URM1: variants seen among roughly 807,000 people sequenced by gnomAD.
URM1 encodes ubiquitin-related modifier 1.
In URM1, 11 loss-of-function variants were observed where a neutral mutation model predicts 17.7. The observed-to-expected ratio is 0.62, with a 90% CI of 0.39 to 1.03. The LOEUF (loss-of-function observed/expected upper bound fraction) is 1.03, where lower values mean the gene tolerates loss of function less well. Among genes scored for constraint, URM1 ranks in the 50% least tolerant of loss-of-function variants. URM1 has a pLI of 0.00. For synonymous variants in URM1, 48 were observed against 50.6 expected (o/e 0.95, Z 0.22); for missense variants, 128 against 129.2 (o/e 0.99, Z 0.04).
Position 128,389,331 on chromosome 9 carries a change from C to A in URM1, c.237+22C>A, listed in dbSNP as rs781624362. The A allele has an allele frequency of 2.5e-6, 4 of 1,613,882 alleles. No individual in the cohort carries two copies. The South Asian group carries it at 3.3e-5, about 13-fold the overall frequency. ...ACTGGTCAGTACCTTGGGGGACATC[C>A]CTCCCCCAGCCCCTGCCCTTGCTGC... On this transcript the variant is annotated intron_variant, in intron 4 of 4. Transcript: ENST00000372853.
chr9:128,388,841 G>C (rs1302845801), intron 3 of URM1: 1 of 998,452 alleles, frequency 1.0e-6, no homozygotes, highest in Admixed American at 5.8e-5. Flanking sequence ...GGGCTAACGA[G>C]AATAAGATTA....
At position 128,390,600 on chromosome 9, in the gene URM1, AG is replaced by A. The variant is rs753276978; in HGVS notation, c.*868del. Reference sequence around the variant, plus strand: ...TTTTCTCTCCCTTCCCACCTCCTGCAGGAAGCAGGACGGGGCAGGCAGCACC... The same window carrying A: ...TTTTCTCTCCCTTCCCACCTCCTGCAGAAGCAGGACGGGGCAGGCAGCACC... On this transcript the variant is annotated 3_prime_UTR_variant, in exon 5 of 5. Transcript: ENST00000372853. 2 of 152,466 alleles carry A rather than the reference AG, an allele frequency of 1.3e-5. No individual in the cohort carries two copies. The highest frequency in any genetic ancestry group is 2.9e-5 in the Non-Finnish European group (2 of 68,088). 9.4% of individuals were successfully genotyped at this position (152,466 alleles called of 1,614,324 possible).
intron 2 of URM1, among the ~76,000 whole-genome samples, chr9:128,382,865 G>A (rs1448816197): frequency 6.6e-6 from 1 of 152,202 alleles, no homozygotes; most frequent in Non-Finnish European, 1.5e-5. Flanking sequence ...GCACCCACCA[G>A]CTTAGGGTAT....
intron 2 of URM1, among the ~76,000 whole-genome samples, chr9:128,385,994 G>A (rs373125667): frequency 1.3e-5 from 2 of 152,330 alleles, no homozygotes; most frequent in African/African-American, 4.8e-5. Context: ...CCATGCTGGT[G>A]CCATCGTTTG....
At chr9:128,374,116 C>T (rs1285392236) in intron 1 of URM1, among the ~76,000 whole-genome samples, 1 of 152,126 alleles carries the variant, frequency 6.6e-6, no homozygotes, top group African/African-American at 2.4e-5. Flanking sequence ...TGGCCTTGGT[C>T]TCTCCTGGGC....
In URM1 at chr9:128,389,860, T is replaced by C; in HGVS notation, c.*126T>C. On this transcript the variant is annotated 3_prime_UTR_variant, in exon 5 of 5. Coordinates refer to ENST00000372853, the MANE Select transcript of URM1 (RefSeq NM_030914.4). ...TTCTTCCCTGCTCTGTCCCCTAAGCTCCCTCCAGGCAGGGAAAAGAGGCCA... is the reference window on the plus strand; with the variant it reads ...TTCTTCCCTGCTCTGTCCCCTAAGCCCCCTCCAGGCAGGGAAAAGAGGCCA... 1 of 1,326,320 alleles carries C rather than the reference T, an allele frequency of 7.5e-7. No individual in the cohort carries two copies. The highest frequency in any genetic ancestry group is 2.5e-5 in the East Asian group (1 of 39,532). 82.2% of individuals were successfully genotyped at this position (1,326,320 alleles called of 1,614,324 possible).
At position 128,391,708 on chromosome 9, in the gene URM1, G is replaced by C. The variant is rs1833318000; in HGVS notation, c.*1974G>C. The C allele has an allele frequency of 6.6e-6, 1 of 152,226 alleles. No individual in the cohort carries two copies. The highest frequency in any genetic ancestry group is 1.5e-5 in the Non-Finnish European group (1 of 68,058). 9.4% of individuals were successfully genotyped at this position (152,226 alleles called of 1,614,324 possible). A position where few individuals can be genotyped will look rare whatever the true frequency, so the allele number is the denominator to read the frequency against. On this transcript the variant is annotated 3_prime_UTR_variant, in exon 5 of 5. Transcript: ENST00000372853. ...TAGGATCCGTTTCCCTGGCTGCAGA[G>C]AGTGGGAGGTGTGATGTGGAATATC...
At chr9:128,372,753 AAG>A (rs1833029231) in intron 1 of URM1, among the ~76,000 whole-genome samples, 1 of 152,138 alleles carries the variant, frequency 6.6e-6, no homozygotes, top group Admixed American at 6.6e-5. Flanking sequence ...CAGAGCTGGA[AAG>A]AGAGAAGCCA....
rs149548051 is a variant in URM1, at chr9:128,371,393, T to C, written c.13T>C (p.Leu5=). ...CGGCTTCCTCAACATGGCTGCGCCC[T>C]TGTCAGTGGAGGTGGAGTTCGGGTG... MAAP[L]SVEVEFGGGA... The change falls in exon 1 of 5, where the codon TTG becomes CTG. Residue 5 remains leucine, a synonymous_variant. Transcript: ENST00000372853. 1.8e-5 allele frequency: 29 copies of C among 1,612,752 alleles called. No individual in the cohort carries two copies. In the African/African-American group the frequency reaches 3.7e-4, roughly 21 times the overall value.
At position 128,389,987 on chromosome 9, in the gene URM1, C is replaced by A; in HGVS notation, c.*253C>A. On this transcript the variant is annotated 3_prime_UTR_variant, in exon 5 of 5. Coordinates refer to ENST00000372853, the MANE Select transcript of URM1 (RefSeq NM_030914.4). ...CCAGCAGCTGTGGTGGGGGAGGGTT[C>A]CCCTCCAGTTTGTCAAGAGTTGAAG... 1 of 558,070 alleles carries A rather than the reference C, an allele frequency of 1.8e-6. No homozygotes were observed. Among genetic ancestry groups the A allele is most frequent in the Non-Finnish European group, 3.1e-6 (1 of 318,740 alleles). The allele number at this position is 558,070 out of a possible 1,614,324, so 34.6% of individuals were successfully genotyped here.
intron 1 of URM1, among the ~76,000 whole-genome samples, chr9:128,372,852 C>T (rs1470062323): frequency 1.3e-5 from 2 of 151,722 alleles, no homozygotes; most frequent in African/African-American, 4.8e-5. Context: ...GGCAGGAGGA[C>T]TGCTTGAGCC....
At chr9:128,383,838 A>G (rs1341988380) in intron 2 of URM1, among the ~76,000 whole-genome samples, 1 of 152,112 alleles carries the variant, frequency 6.6e-6, no homozygotes, top group Non-Finnish European at 1.5e-5. Flanking sequence ...AGTGTCCCCC[A>G]GAATAGGACA....
At chr9:128,377,513 T>C (rs1459540428) in intron 1 of URM1, among the ~76,000 whole-genome samples, 1 of 151,956 alleles carries the variant, frequency 6.6e-6, no homozygotes, top group Non-Finnish European at 1.5e-5. Context: ...TGTCTAAAAA[T>C]ACAAAACTTA....
intron 2 of URM1, among the ~76,000 whole-genome samples, chr9:128,382,302 C>T (rs528255479): frequency 1.3e-5 from 2 of 152,210 alleles, no homozygotes; most frequent in East Asian, 1.9e-4. Context: ...TTAGCAGCTG[C>T]CAGGCCTCAC....
At position 128,389,824 on chromosome 9, in the gene URM1, C is replaced by T. The variant is rs748398460; in HGVS notation, c.*90C>T. On this transcript the variant is annotated 3_prime_UTR_variant, in exon 5 of 5. Transcript: ENST00000372853. ...CCCTGCTTCCAGGTCTCCCTGTCCC[C>T]CTTGCCTGCCTTCTTCCCTGCTCTG... The T allele has an allele frequency of 1.3e-6, 2 of 1,548,288 alleles. No homozygotes were observed. Among genetic ancestry groups the T allele is most frequent in the East Asian group, 2.3e-5 (1 of 43,228 alleles).
At chr9:128,372,546 C>T (rs1833026972) in intron 1 of URM1, among the ~76,000 whole-genome samples, 1 of 152,194 alleles carries the variant, frequency 6.6e-6, no homozygotes. Flanking sequence ...CTACAGCGTT[C>T]AGCATTTCTG....
chr9:128,383,161 CCT>C (rs1334536786), intron 2 of URM1, among the ~76,000 whole-genome samples: 1 of 152,102 alleles, frequency 6.6e-6, no homozygotes, highest in East Asian at 1.9e-4. Flanking sequence ...TTGCTGATCC[CCT>C]CTCCACCTCC....
intron 2 of URM1, among the ~76,000 whole-genome samples, chr9:128,386,564 G>C (rs936847656): frequency 2.0e-5 from 3 of 152,254 alleles, no homozygotes; most frequent in African/African-American, 2.4e-5. Flanking sequence ...CCAGGCTGCA[G>C]GCCTGTCAGA....
At chr9:128,385,645 C>T (rs1477448020) in intron 2 of URM1, among the ~76,000 whole-genome samples, 4 of 152,128 alleles carry the variant, frequency 2.6e-5, no homozygotes, top group African/African-American at 7.2e-5. Context: ...CTTTGGAAGC[C>T]GACCATCTGG....
Sources: gnomAD v4.1 joint callset for allele counts (sites outside exome capture counted in the v4.1 genomes callset) on GRCh38, gnomAD v4.1.1 for gene constraint, MANE v1.5 for transcripts, NCBI Gene and HGNC (gene_info 2026-07-23, HGNC 2026-07-21) for gene names.